DIP2C: variants seen among roughly 807,000 people sequenced by gnomAD.
DIP2C encodes the protein DIP2 acetate--CoA ligase C (putative), also known as disco-interacting protein 2 homolog C.
In DIP2C, 33 loss-of-function variants were observed where a neutral mutation model predicts 192.4. That is an observed-to-expected ratio of 0.17 (90% CI 0.13 to 0.23). DIP2C has a LOEUF of 0.23. Among genes scored for constraint, DIP2C ranks in the 10% least tolerant of loss-of-function variants. The probability of loss-of-function intolerance (pLI) is 1.00; values close to 1 mark genes in which losing one functional copy is unlikely to be tolerated. For synonymous variants in DIP2C, 979 were observed against 864.1 expected, an observed-to-expected ratio of 1.13 and a Z score of -2.33; for missense variants, 1,537 against 2,110.1, an observed-to-expected ratio of 0.73 and a Z score of 5.32.
intron 36 of DIP2C, among the ~76,000 whole-genome samples, chr10:279,995 T>C (rs1236305359): frequency 6.6e-6 from 1 of 152,194 alleles, no homozygotes; most frequent in Non-Finnish European, 1.5e-5. Context: ...CTGATATTCG[T>C]AGCTATTTAG....
chr10:563,216 G>T (rs1849306462), intron 1 of DIP2C, among the ~76,000 whole-genome samples: 1 of 152,206 alleles, frequency 6.6e-6, no homozygotes, highest in Non-Finnish European at 1.5e-5. Context: ...AGGCGGGCTT[G>T]GTGCATCCAT....
intron 1 of DIP2C, among the ~76,000 whole-genome samples, chr10:575,864 A>G (rs954593137): frequency 6.6e-6 from 1 of 152,218 alleles, no homozygotes; most frequent in Non-Finnish European, 1.5e-5. Context: ...ACGTGCAACA[A>G]TGAGAAACAA....
rs909602400 is a variant in DIP2C, at chr10:671,129, G to A, written c.85+18365C>T. Among the ~76,000 whole-genome samples the A allele has an allele frequency of 4.6e-5, 7 of 152,356 alleles. No individual in the cohort carries two copies. In the East Asian group the frequency reaches 7.7e-4, roughly 17 times the overall value. ...TATGACCCCATCCCTGCGGCTCCCC[G>A]AGCGTGTGTCCCTGTGTGTCACGCA... On this transcript the variant is annotated intron_variant, in intron 1 of 36. Transcript: ENST00000280886.
At chr10:506,013 A>G (rs1014439669) in intron 1 of DIP2C, among the ~76,000 whole-genome samples, 1 of 152,070 alleles carries the variant, frequency 6.6e-6, no homozygotes, top group Admixed American at 6.6e-5. Context: ...CAGGTGACAA[A>G]AGGAGGTTGT....
chr10:579,396 C>T (rs1174885743), intron 1 of DIP2C, among the ~76,000 whole-genome samples: 4 of 151,988 alleles, frequency 2.6e-5, no homozygotes, highest in African/African-American at 9.7e-5. Context: ...ACAGTGTACA[C>T]ACATCCAGAT....
intron 26 of DIP2C, among the ~76,000 whole-genome samples, chr10:346,444 T>C (rs80266242): frequency 3.3e-4 from 8 of 24,280 alleles, no homozygotes; most frequent in East Asian, 1.4e-3. Context: ...CCCGGAAACG[T>C]CACACACACC....
chr10:585,006 G>T (rs992824525), intron 1 of DIP2C, among the ~76,000 whole-genome samples: 1 of 148,532 alleles, frequency 6.7e-6, no homozygotes, highest in African/African-American at 2.5e-5. Context: ...TAATCTCGGG[G>T]CCCGCAACCT....
intron 1 of DIP2C, among the ~76,000 whole-genome samples, chr10:647,209 C>T (rs888518276): frequency 2.6e-5 from 4 of 151,008 alleles, no homozygotes; most frequent in Non-Finnish European, 5.9e-5. Flanking sequence ...ACTGAGTCCA[C>T]GTCCACATTT....
At chr10:606,201 G>A (rs1852454283) in intron 1 of DIP2C, among the ~76,000 whole-genome samples, 1 of 152,224 alleles carries the variant, frequency 6.6e-6, no homozygotes, top group African/African-American at 2.4e-5. Flanking sequence ...TGGGGTGCCA[G>A]CCACGGCCCA....
intron 1 of DIP2C, among the ~76,000 whole-genome samples, chr10:514,444 C>T (rs1168712889): frequency 6.6e-6 from 1 of 152,152 alleles, no homozygotes; most frequent in Non-Finnish European, 1.5e-5. Context: ...CTTCTTTGTC[C>T]GAGGAATTTA....
chr10:494,581 C>T (rs1471335149), intron 1 of DIP2C, among the ~76,000 whole-genome samples: 2 of 152,148 alleles, frequency 1.3e-5, no homozygotes, highest in Admixed American at 6.5e-5. Flanking sequence ...CAATATGCAG[C>T]ATGAGAAAGC....
At position 480,481 on chromosome 10, in the gene DIP2C, A is replaced by G. The variant is rs183312542; in HGVS notation, c.157+5978T>C. Among the ~76,000 whole-genome samples the G allele has an allele frequency of 3.5e-4, 54 of 152,362 alleles. 1 individual carries two copies. The highest frequency in any genetic ancestry group is 3.1e-3 in the Admixed American group (47 of 15,310). The stretch of plus-strand genomic sequence containing the variant: ...TCCATGCTCACTGGATGACGGTCTC[A>G]TCTACCAGCCCGAGCTCCAGTCCAC... On this transcript the variant is annotated intron_variant, in intron 2 of 36. Coordinates refer to ENST00000280886, the MANE Select transcript of DIP2C (RefSeq NM_014974.3).
At chr10:410,039 T>C (rs974940300) in intron 8 of DIP2C, among the ~76,000 whole-genome samples, 1 of 152,226 alleles carries the variant, frequency 6.6e-6, no homozygotes. Flanking sequence ...TTTTAATCTT[T>C]TCCCTCTTTT....
chr10:303,235 G>A (rs148117457), intron 32 of DIP2C, among the ~76,000 whole-genome samples: 1 of 151,630 alleles, frequency 6.6e-6, no homozygotes, highest in Non-Finnish European at 1.5e-5. Flanking sequence ...AACTACTCGC[G>A]AGCTAAGACA....
chr10:327,360 C>T (rs954143531), intron 30 of DIP2C, among the ~76,000 whole-genome samples, 184 bp from the exon 31 acceptor site: 2 of 152,186 alleles, frequency 1.3e-5, no homozygotes, highest in African/African-American at 4.8e-5. Context: ...AACATTCACA[C>T]AACTATTCAA....
In DIP2C at chr10:636,656, C is replaced by T. The variant is rs1357372019; in HGVS notation, c.85+52838G>A. On this transcript the variant is annotated intron_variant, in intron 1 of 36. Coordinates refer to ENST00000280886, the MANE Select transcript of DIP2C (RefSeq NM_014974.3). The surrounding 1 kb of genome is among the most constrained non-coding windows in gnomAD (Gnocchi z 4.6). ...TCTTTTCTATCTGGGCCACACACTG[C>T]GCCGAGTGACTCTCCTTCCCCATCT... Among the ~76,000 whole-genome samples, 1 of 152,230 alleles carries T rather than the reference C, an allele frequency of 6.6e-6. No individual in the cohort carries two copies. The highest frequency in any genetic ancestry group is 1.5e-5 in the Non-Finnish European group (1 of 68,046).
intron 35 of DIP2C, 72 bp from the exon 36 acceptor site, chr10:281,395 A>G: frequency 6.6e-7 from 1 of 1,511,494 alleles, no homozygotes; most frequent in Non-Finnish European, 8.9e-7. Flanking sequence ...TTTCTTAAAA[A>G]AAGATTAAAA....
At chr10:619,689 G>A (rs1406273127) in intron 1 of DIP2C, among the ~76,000 whole-genome samples, 3 of 152,126 alleles carry the variant, frequency 2.0e-5, no homozygotes, top group Non-Finnish European at 4.4e-5. Context: ...ATGGGCCATG[G>A]ACCACTCCAC....
chr10:474,189 T>TA (rs1970873607), intron 2 of DIP2C, among the ~76,000 whole-genome samples: 1 of 152,210 alleles, frequency 6.6e-6, no homozygotes, highest in Non-Finnish European at 1.5e-5. Flanking sequence ...ACCTGGCACT[T>TA]ACATTCATAA....
Sources: allele counts gnomAD v4.1 joint callset (sites outside exome capture counted in the v4.1 genomes callset), GRCh38; gene constraint gnomAD v4.1.1; non-coding constraint Gnocchi (gnomAD v3.1); transcripts MANE v1.5; gene names NCBI Gene and HGNC (gene_info 2026-07-23, HGNC 2026-07-21).